Variants in EDC3 observed in about 807,000 individuals in gnomAD.
EDC3 encodes the protein enhancer of mRNA decapping 3.
A neutral mutation model predicts 41.8 loss-of-function variants in EDC3; 20 were observed. That is an observed-to-expected ratio of 0.48 (90% CI 0.34 to 0.70). EDC3 has a LOEUF of 0.70. EDC3 is among the 30% of genes least tolerant of loss of function. The pLI is 0.01. For synonymous variants in EDC3, 206 were observed against 243.2 expected, an observed-to-expected ratio of 0.85 and a Z score of 1.42; for missense variants, 444 against 636.8, an observed-to-expected ratio of 0.70 and a Z score of 3.26.
chr15:74,662,118 T>C (rs1341708715), intron 3 of EDC3, among the ~76,000 whole-genome samples: 3 of 152,156 alleles, frequency 2.0e-5, no homozygotes, highest in Non-Finnish European at 4.4e-5. Context: ...TGATTAACTT[T>C]TAAGTTATTT....
intron 2 of EDC3, among the ~76,000 whole-genome samples, chr15:74,673,170 T>A (rs757943344): frequency 6.6e-6 from 1 of 151,832 alleles, no homozygotes; most frequent in Admixed American, 6.6e-5. Flanking sequence ...CTGGTGGCTA[T>A]AGGGAAGGAG....
At position 74,671,908 on chromosome 15, in the gene EDC3, G is replaced by T; in HGVS notation, c.165-134C>A. The T allele has an allele frequency of 1.2e-6, 1 of 846,688 alleles. No individual in the cohort carries two copies. Among genetic ancestry groups the T allele is most frequent in the Non-Finnish European group, 1.8e-6 (1 of 546,656 alleles). The allele number at this position is 846,688 out of a possible 1,614,324, so 52.4% of individuals were successfully genotyped here. Reference sequence around the variant, plus strand: ...TTATCAGAGGCTAGGAAAGGGGGCTGTGTGCTTAAGGACAGGGGTCAGCCA... The same window carrying T: ...TTATCAGAGGCTAGGAAAGGGGGCTTTGTGCTTAAGGACAGGGGTCAGCCA... On this transcript the variant is annotated intron_variant, in intron 2 of 6. Coordinates refer to ENST00000315127, the MANE Select transcript of EDC3 (RefSeq NM_025083.5). The surrounding 1 kb of genome is among the most constrained non-coding windows in gnomAD (Gnocchi z 4.6).
intron 6 of EDC3, among the ~76,000 whole-genome samples, chr15:74,633,471 GCCTGTCC>G (rs2062236871): frequency 6.6e-6 from 1 of 152,200 alleles, no homozygotes; most frequent in Non-Finnish European, 1.5e-5. Flanking sequence ...ACTCTAGCAA[GCCTGTCC>G]CCTCTCGTAC....
chr15:74,641,358 AAAGTACAC>A (rs2062349583), intron 4 of EDC3: 1 of 152,456 alleles, frequency 6.6e-6, no homozygotes, highest in South Asian at 2.1e-4. Flanking sequence ...TTAGTCACTG[AAAGTACAC>A]TGTGGAAAAT....
At chr15:74,644,432 G>C (rs1251129284) in intron 4 of EDC3, 1 of 152,092 alleles carries the variant, frequency 6.6e-6, no homozygotes, top group African/African-American at 2.4e-5. Flanking sequence ...CAATACATCT[G>C]ACTCCACTCT....
At chr15:74,641,166 A>G (rs1424981057) in intron 4 of EDC3, 1 of 152,888 alleles carries the variant, frequency 6.5e-6, no homozygotes, top group Non-Finnish European at 1.5e-5. Context: ...TCTCTCTTCT[A>G]TTTACCCCTT....
Position 74,684,094 on chromosome 15 carries a change from T to G in EDC3, c.-18-8952A>C, listed in dbSNP as rs1010391912. Among the ~76,000 whole-genome samples the G allele has an allele frequency of 4.9e-4, 73 of 149,400 alleles. 2 individuals carry two copies. Among genetic ancestry groups the G allele is most frequent in the African/African-American group, 1.7e-3 (69 of 40,592 alleles). On this transcript the variant is annotated intron_variant, in intron 1 of 6. Transcript: ENST00000315127. ...TGGTTTTTTGTTTCTGTTTTTTTTT[T>G]TTTTTTTTTTGGCTCACTGCAGCCT...
intron 3 of EDC3, among the ~76,000 whole-genome samples, chr15:74,662,545 T>C (rs893884042): frequency 6.6e-6 from 1 of 151,954 alleles, no homozygotes; most frequent in Middle Eastern, 3.2e-3. Context: ...ATAAAAATCA[T>C]GCCAACTTTG....
intron 1 of EDC3, among the ~76,000 whole-genome samples, chr15:74,679,050 A>C (rs1370234305): frequency 6.6e-6 from 1 of 151,798 alleles, no homozygotes; most frequent in Non-Finnish European, 1.5e-5. Context: ...AAAAAAAATT[A>C]GCCAGGTGTG....
intron 4 of EDC3, among the ~76,000 whole-genome samples, chr15:74,654,754 C>T (rs1357910805): frequency 4.0e-5 from 6 of 151,276 alleles, no homozygotes; most frequent in South Asian, 2.1e-4. Context: ...CTATACTCAG[C>T]GAAACCAAAT....
intron 4 of EDC3, among the ~76,000 whole-genome samples, chr15:74,650,956 C>T (rs1025057283): frequency 6.6e-6 from 1 of 152,086 alleles, no homozygotes; most frequent in African/African-American, 2.4e-5. Flanking sequence ...TGATACTGCA[C>T]TACTGCACTC....
intron 5 of EDC3, chr15:74,638,617 A>T (rs1335844305): frequency 2.0e-5 from 3 of 152,066 alleles, no homozygotes; most frequent in Non-Finnish European, 2.9e-5. Context: ...TACAGGTGTG[A>T]GTCACTGCGC....
chr15:74,668,729 T>TGAAAGAAAAGAAAGAAAGAAA (rs2062705658), intron 3 of EDC3, among the ~76,000 whole-genome samples: 1 of 140,236 alleles, frequency 7.1e-6, no homozygotes, highest in Non-Finnish European at 1.5e-5. Context: ...CAAAAATGAA[T>TGAAAGAAAAGAAAGAAAGAAA]GAAAGAAAGA....
Position 74,671,617 on chromosome 15 carries a change from C to A in EDC3, c.322G>T (p.Ala108Ser). The A allele has an allele frequency of 6.2e-7, 1 of 1,614,196 alleles. No homozygotes were observed. Among genetic ancestry groups the A allele is most frequent in the South Asian group, 1.1e-5 (1 of 91,082 alleles). The change falls in exon 3 of 7, where the codon GCC (alanine) becomes TCC (serine). Residue 108 changes from alanine (A) to serine (S), a missense_variant. Coordinates refer to ENST00000315127, the MANE Select transcript of EDC3 (RefSeq NM_025083.5). The surrounding 1 kb of genome is among the most constrained non-coding windows in gnomAD (Gnocchi z 4.6). ...NGTGKFVKKP[A>S]SSSSAPQNIP... ...TTCTGAGGGGCACTGCTGGAAGAGG[C>A]TGGCTTCTTGACAAACTTGCCTGTG...
At chr15:74,653,521 A>G (rs568117842) in intron 4 of EDC3, among the ~76,000 whole-genome samples, 6 of 152,274 alleles carry the variant, frequency 3.9e-5, no homozygotes, top group Admixed American at 6.5e-5. Context: ...GCTGCTTGGC[A>G]AAAGGGCTTC....
At chr15:74,652,378 C>T (rs1257855293) in intron 4 of EDC3, among the ~76,000 whole-genome samples, 3 of 152,206 alleles carry the variant, frequency 2.0e-5, no homozygotes, top group Non-Finnish European at 1.5e-5. Flanking sequence ...CAGGCGCCCA[C>T]CACCATGCCC....
chr15:74,669,473 C>T (rs931719229), intron 3 of EDC3, among the ~76,000 whole-genome samples: 2 of 150,314 alleles, frequency 1.3e-5, no homozygotes, highest in African/African-American at 4.9e-5. Context: ...GATCACACCA[C>T]TGCACTCCAG....
At chr15:74,690,168 A>G (rs1451295563) in intron 1 of EDC3, among the ~76,000 whole-genome samples, 1 of 152,228 alleles carries the variant, frequency 6.6e-6, no homozygotes, top group Non-Finnish European at 1.5e-5. Flanking sequence ...CTTGTTATTA[A>G]AATCTATCCT....
At chr15:74,683,363 C>T (rs1368566413) in intron 1 of EDC3, among the ~76,000 whole-genome samples, 1 of 152,084 alleles carries the variant, frequency 6.6e-6, no homozygotes, top group Non-Finnish European at 1.5e-5. Flanking sequence ...GGCGAAGCCT[C>T]GTCTCTACCA....
Sources: gnomAD v4.1 joint callset for allele counts (sites outside exome capture counted in the v4.1 genomes callset) on GRCh38, gnomAD v4.1.1 for gene constraint, Gnocchi (gnomAD v3.1) non-coding constraint, MANE v1.5 for transcripts, NCBI Gene and HGNC (gene_info 2026-07-23, HGNC 2026-07-21) for gene names.